The following DPYS variants were observed in gnomAD, a reference collection of about 807,000 sequenced individuals.
The protein encoded by DPYS is dihydropyrimidinase.
In DPYS, 39 loss-of-function variants were observed where a neutral mutation model predicts 50.3. That is an observed-to-expected ratio of 0.78 (90% CI 0.60 to 1.01). DPYS has a LOEUF of 1.01. Ranked by LOEUF, DPYS falls within the 50% of genes least tolerant of loss-of-function variation. DPYS has a pLI of 0.00. For missense variants in DPYS, 659 were observed against 680.9 expected, an observed-to-expected ratio of 0.97 and a Z score of 0.36; for synonymous variants, 245 against 250.7, an observed-to-expected ratio of 0.98 and a Z score of 0.22.
chr8:104,401,024 C>T (rs985477641), intron 7 of DPYS, among the ~76,000 whole-genome samples: 2 of 152,264 alleles, frequency 1.3e-5, no homozygotes, highest in Admixed American at 1.3e-4. Context: ...AGAGAATTTC[C>T]TAGAGTAATG....
At chr8:104,405,306 C>T (rs949861889) in intron 7 of DPYS, among the ~76,000 whole-genome samples, 2 of 152,118 alleles carry the variant, frequency 1.3e-5, no homozygotes, top group African/African-American at 4.8e-5. Flanking sequence ...GTCAGCAGGG[C>T]CAGAAATCAA....
intron 4 of DPYS, among the ~76,000 whole-genome samples, chr8:104,443,504 T>A (rs1813421258): frequency 6.6e-6 from 1 of 152,142 alleles, no homozygotes; most frequent in Non-Finnish European, 1.5e-5. Flanking sequence ...TCAAAAGAAA[T>A]TTATTGAGCA....
At chr8:104,463,958 G>C (rs1814259566) in intron 1 of DPYS, among the ~76,000 whole-genome samples, 1 of 152,158 alleles carries the variant, frequency 6.6e-6, no homozygotes, top group African/African-American at 2.4e-5. Flanking sequence ...GCTGTTTCGG[G>C]GGGTGGGAGT....
At position 104,428,260 on chromosome 8, in the gene DPYS, C is replaced by T. The variant is rs1257079213; in HGVS notation, c.951-139G>A. ...TCCAATGGAGAATGAGCAGTTTTTT[C>T]AAGAACATATTTCATCCCTCTCCTG... On this transcript the variant is annotated intron_variant, in intron 5 of 9. Transcript: ENST00000351513. 20 of 1,136,980 alleles carry T rather than the reference C, an allele frequency of 1.8e-5. No homozygotes were observed. The South Asian group carries it at 2.2e-4, about 13-fold the overall frequency. The allele number at this position is 1,136,980 out of a possible 1,614,324, so 70.4% of individuals were successfully genotyped here.
chr8:104,457,069 C>T (rs13271902), intron 1 of DPYS, among the ~76,000 whole-genome samples: 30,547 of 152,074 alleles, frequency 0.2, 3,212 homozygotes, highest in East Asian at 0.24. Context: ...TATGTACATA[C>T]CTGTGATAAA....
intron 1 of DPYS, among the ~76,000 whole-genome samples, chr8:104,460,954 C>A (rs1020539341): frequency 1.3e-5 from 2 of 152,046 alleles, no homozygotes; most frequent in Admixed American, 1.3e-4. Context: ...AGAAGTGCTA[C>A]GTTTTTCCTC....
intron 9 of DPYS, chr8:104,380,909 T>A (rs927999331): frequency 8.2e-6 from 3 of 367,118 alleles, no homozygotes; most frequent in Admixed American, 7.6e-5. Flanking sequence ...GTTATCAGCC[T>A]CCTTAGTGCA....
intron 6 of DPYS, 30 bp from the exon 7 acceptor site, chr8:104,424,419 T>C (rs1310337177): frequency 1.2e-6 from 2 of 1,609,962 alleles, no homozygotes; most frequent in African/African-American, 1.3e-5. Flanking sequence ...ATCATTCTAA[T>C]GATCAAATAC....
chr8:104,457,870 T>C (rs1010789565), intron 1 of DPYS, among the ~76,000 whole-genome samples: 2 of 152,154 alleles, frequency 1.3e-5, no homozygotes, highest in Non-Finnish European at 2.9e-5. Context: ...AGAGTTACTC[T>C]TGACACCTAC....
chr8:104,428,632 G>A (rs557003852), intron 5 of DPYS, among the ~76,000 whole-genome samples: 1 of 152,294 alleles, frequency 6.6e-6, no homozygotes, highest in South Asian at 2.1e-4. Flanking sequence ...GGCTGGCGAT[G>A]CTGATATTAC....
intron 7 of DPYS, among the ~76,000 whole-genome samples, chr8:104,407,641 T>C (rs537412965): frequency 2.6e-5 from 4 of 152,182 alleles, no homozygotes; most frequent in Non-Finnish European, 5.9e-5. Context: ...AAACAACAAA[T>C]GAGGCATGAG....
chr8:104,381,272 C>A lies in DPYS; in HGVS notation c.1486G>T (p.Glu496Ter). ...TPVERAPYKGEVATLKSRVTK... is the reference protein window; with the variant it reads ...TPVERAPYKG ...ACTCTGGATTTCAGTGTGGCGACTTCTCCCTTATAGGGTGCACGCTCCACA... is the reference window on the plus strand; with the variant it reads ...ACTCTGGATTTCAGTGTGGCGACTTATCCCTTATAGGGTGCACGCTCCACA... The change falls in exon 9 of 10, where the codon GAA becomes TAA. Residue 496 changes from glutamate to a stop codon, truncating the protein, a stop_gained. Transcript: ENST00000351513. LOFTEE classifies it high-confidence loss of function. The A allele has an allele frequency of 6.2e-7, 1 of 1,614,200 alleles. No individual in the cohort carries two copies. Among genetic ancestry groups the A allele is most frequent in the Non-Finnish European group, 8.5e-7 (1 of 1,180,032 alleles).
In DPYS at chr8:104,466,883, C is replaced by G. The variant is rs1431219032; in HGVS notation, c.38G>C (p.Arg13Pro). The change falls in exon 1 of 10, where the codon CGC becomes CCC. Residue 13 changes from arginine (R) to proline (P), a missense_variant. Physicochemically the swap from Arg to Pro is moderately radical, Grantham distance 103. Coordinates refer to ENST00000351513, the MANE Select transcript of DPYS (RefSeq NM_001385.3). ...APSRLLIRGG[R>P]VVNDDFSEVA... ...CTCCGAGAAGTCATCGTTGACCACGCGACCCCCGCGGATCAGGAGCCGCGA... is the reference window on the plus strand; with the variant it reads ...CTCCGAGAAGTCATCGTTGACCACGGGACCCCCGCGGATCAGGAGCCGCGA... 2.0e-6 allele frequency: 3 copies of G among 1,515,736 alleles called. No individual in the cohort carries two copies. Among genetic ancestry groups the G allele is most frequent in the East Asian group, 5.2e-5 (2 of 38,546 alleles). The allele number at this position is 1,515,736 out of a possible 1,614,324, so 93.9% of individuals were successfully genotyped here. A position where few individuals can be genotyped will look rare whatever the true frequency, so the allele number is the denominator to read the frequency against.
chr8:104,393,012 A>G (rs759465330), intron 7 of DPYS, 21 bp from the exon 8 acceptor site: 10 of 1,611,166 alleles, frequency 6.2e-6, no homozygotes, highest in Non-Finnish European at 8.5e-7. Flanking sequence ...GAAAACAACA[A>G]AAAAGTTCTG....
intron 7 of DPYS, chr8:104,423,807 C>T: frequency 5.1e-6 from 1 of 197,692 alleles, no homozygotes; most frequent in Non-Finnish European, 9.1e-6. Flanking sequence ...ATGAACTCAA[C>T]TGGAAAATTT....
chr8:104,423,293 C>T (rs1812606780), intron 7 of DPYS, among the ~76,000 whole-genome samples: 1 of 152,016 alleles, frequency 6.6e-6, no homozygotes, highest in East Asian at 1.9e-4. Flanking sequence ...AGTGGGTGCC[C>T]AGAGAGTGTC....
At chr8:104,413,825 T>C (rs1210401973) in intron 7 of DPYS, among the ~76,000 whole-genome samples, 3 of 152,212 alleles carry the variant, frequency 2.0e-5, no homozygotes, top group Non-Finnish European at 4.4e-5. Flanking sequence ...CTGATGGTAT[T>C]ACAGGCAGGA....
chr8:104,395,665 T>G (rs941401226), intron 7 of DPYS, among the ~76,000 whole-genome samples: 1 of 152,252 alleles, frequency 6.6e-6, no homozygotes, highest in Non-Finnish European at 1.5e-5. Context: ...TTCCACTGTA[T>G]GGACATACCG....
rs539148239 is a variant in DPYS, at chr8:104,412,199, G to A, written c.1235+12048C>T. Among the ~76,000 whole-genome samples the A allele has an allele frequency of 1.4e-4, 21 of 152,270 alleles. No homozygotes were observed. The South Asian group carries it at 2.7e-3, about 20-fold the overall frequency. ...ATGCTTGAAACCGATGTCCAGGAGC[G>A]TTGGCAGATTTGCAGGGATGCAGGC... is the stretch of plus-strand genomic sequence containing the variant. On this transcript the variant is annotated intron_variant, in intron 7 of 9. Transcript: ENST00000351513.
Sources: allele counts gnomAD v4.1 joint callset (sites outside exome capture counted in the v4.1 genomes callset), GRCh38; gene constraint gnomAD v4.1.1; transcripts MANE v1.5; gene names NCBI Gene and HGNC (gene_info 2026-07-23, HGNC 2026-07-21).